PKD1L1: variants seen among roughly 807,000 people sequenced by gnomAD.
The protein encoded by PKD1L1 is polycystin 1 like 1, transient receptor potential channel interacting.
PKD1L1 carries 236 observed loss-of-function variants against 323.4 expected under a neutral mutation model. The observed-to-expected ratio is 0.73, with a 90% CI of 0.66 to 0.81. The LOEUF (loss-of-function observed/expected upper bound fraction) is 0.81. PKD1L1 is among the 40% of genes least tolerant of loss of function. PKD1L1 has a pLI of 0.00. For missense variants in PKD1L1, 3,320 were observed against 3,508.0 expected, an observed-to-expected ratio of 0.95 and a Z score of 1.35; for synonymous variants, 1,344 against 1,335.0, an observed-to-expected ratio of 1.01 and a Z score of -0.15.
rs574028340 is a variant in PKD1L1, at chr7:47,827,289, T to C, written c.6854+61A>G. 4.4e-5 allele frequency: 61 copies of C among 1,371,016 alleles called. 1 individual carries two copies. The African/African-American group carries it at 6.2e-4, about 14-fold the overall frequency. 84.9% of individuals were successfully genotyped at this position (1,371,016 alleles called of 1,614,324 possible). ...CCCAGGAGGACCAGCGGCAGTGGGG[T>C]ACTCCCTCCGAGAAGGGAGCTGGAG... On this transcript the variant is annotated intron_variant, in intron 45 of 56. Transcript: ENST00000289672.
chr7:47,943,721 T>C (rs1239228297), intron 1 of PKD1L1, among the ~76,000 whole-genome samples: 1 of 152,222 alleles, frequency 6.6e-6, no homozygotes, highest in Non-Finnish European at 1.5e-5. Context: ...GAAGATTAAC[T>C]GAAATATAGT....
In PKD1L1 at chr7:47,866,362, G is replaced by A; in HGVS notation, c.4092+57C>T. ...TTGCTAGTGAGCCAGCCAGTCATGAGCCCTGCCACTTGATAAAGGTTTACA... is the reference window on the plus strand; with the variant it reads ...TTGCTAGTGAGCCAGCCAGTCATGAACCCTGCCACTTGATAAAGGTTTACA... On this transcript the variant is annotated intron_variant, in intron 25 of 56. Transcript: ENST00000289672. The A allele has an allele frequency of 1.2e-5, 19 of 1,555,564 alleles. 1 individual carries two copies. The highest frequency in any genetic ancestry group is 1.7e-5 in the Non-Finnish European group (19 of 1,145,864).
Position 47,808,339 on chromosome 7 carries a change from G to C in PKD1L1, c.7735C>G (p.Leu2579Val). 1 of 1,614,176 alleles carries C rather than the reference G, an allele frequency of 6.2e-7. No individual in the cohort carries two copies. The highest frequency in any genetic ancestry group is 8.5e-7 in the Non-Finnish European group (1 of 1,180,034). ...SLTYYAVSGH[L>V]VTLAGDVTNQ... ...GTGACATCTCCAGCAAGAGTAACAA[G>C]GTGGCCGGAAACTGCATAGTAGGTG... Residue 2579 changes from leucine (L) to valine (V), a missense_variant, in exon 52 of 57, where the codon CTT becomes GTT. By Grantham distance (32) the Leu-to-Val change is conservative (BLOSUM62 1). Coordinates refer to ENST00000289672, the MANE Select transcript of PKD1L1 (RefSeq NM_138295.5).
At chr7:47,799,492 A>C (rs1784614365) in intron 54 of PKD1L1, among the ~76,000 whole-genome samples, 1 of 152,168 alleles carries the variant, frequency 6.6e-6, no homozygotes, top group Admixed American at 6.5e-5. Context: ...TGTGTCAGGA[A>C]CTACTACCCT....
chr7:47,928,959 C>T (rs992365807), intron 7 of PKD1L1, among the ~76,000 whole-genome samples: 1 of 152,182 alleles, frequency 6.6e-6, no homozygotes, highest in Non-Finnish European at 1.5e-5. Context: ...CCACATCTAC[C>T]TCACAAGGCA....
chr7:47,822,082 T>C (rs1785153641), intron 45 of PKD1L1, among the ~76,000 whole-genome samples: 2 of 152,172 alleles, frequency 1.3e-5, no homozygotes, highest in Admixed American at 1.3e-4. Flanking sequence ...GTAAGTCTAT[T>C]CCTGTGTTCT....
At chr7:47,915,120 A>C (rs181633256) in intron 8 of PKD1L1, among the ~76,000 whole-genome samples, 1 of 152,376 alleles carries the variant, frequency 6.6e-6, no homozygotes, top group East Asian at 1.9e-4. Flanking sequence ...TTAGCATCTG[A>C]GAAAGAAAAG....
At chr7:47,895,475 C>T (rs1248315498) in intron 14 of PKD1L1, among the ~76,000 whole-genome samples, 3 of 151,712 alleles carry the variant, frequency 2.0e-5, no homozygotes, top group East Asian at 1.9e-4. Flanking sequence ...TAGTCTCTGG[C>T]TAAGAAATTG....
chr7:47,872,727 C>T (rs1442546870), intron 24 of PKD1L1, among the ~76,000 whole-genome samples: 1 of 152,170 alleles, frequency 6.6e-6, no homozygotes, highest in Non-Finnish European at 1.5e-5. Flanking sequence ...AACTCTCATA[C>T]CTCGTTAGTG....
chr7:47,828,159 G>A lies in PKD1L1; in HGVS notation c.6736-691C>T, dbSNP rs180842107. Among the ~76,000 whole-genome samples the A allele has an allele frequency of 1.3e-3, 202 of 152,268 alleles. 2 individuals carry two copies. Among genetic ancestry groups the A allele is most frequent in the African/African-American group, 4.1e-3 (172 of 41,558 alleles). ...TTGTGCTGTTCTGAGAAAGGAACAC[G>A]TGTGGCGGAGAGATCCGTGGGGAGG... On this transcript the variant is annotated intron_variant, in intron 44 of 56. Transcript: ENST00000289672.
upstream of PKD1L1, among the ~76,000 whole-genome samples, chr7:47,949,563 G>C (rs1788172278): frequency 6.6e-6 from 1 of 152,000 alleles, no homozygotes; most frequent in South Asian, 2.1e-4. Flanking sequence ...CAACTGGCGG[G>C]TCAGACTGAG....
At position 47,873,021 on chromosome 7, in the gene PKD1L1, G is replaced by A. The variant is rs181798243; in HGVS notation, c.3896+878C>T. 1.4e-3 allele frequency among the ~76,000 whole-genome samples: 206 copies of A among 152,230 alleles called. 3 individuals carry two copies. Among genetic ancestry groups the A allele is most frequent in the South Asian group, 4.2e-4 (2 of 4,814 alleles). On this transcript the variant is annotated intron_variant, in intron 24 of 56. Coordinates refer to ENST00000289672, the MANE Select transcript of PKD1L1 (RefSeq NM_138295.5). ...TACTAATATATTTTGCTACATAGAT[G>A]AAACTCAAAAACATTCACATGCTCA...
At position 47,873,926 on chromosome 7, in the gene PKD1L1, T is replaced by C. The variant is rs762080261; in HGVS notation, c.3869A>G (p.His1290Arg). The change falls in exon 24 of 57, where the codon CAT becomes CGT. Residue 1290 changes from histidine to arginine, a missense_variant. His to Arg is a conservative substitution (Grantham distance 29). Coordinates refer to ENST00000289672, the MANE Select transcript of PKD1L1 (RefSeq NM_138295.5). The part of the protein sequence containing the change: ...TVVVTVLPRY[H>R]GNDCLGEDLY... ...GTCCTCGCCCAGACAGTCATTTCCA[T>C]GGTAGCGGGGCAGCACAGTCACCAC... 2 of 1,613,876 alleles carry C rather than the reference T, an allele frequency of 1.2e-6. No homozygotes were observed. The highest frequency in any genetic ancestry group is 1.1e-5 in the South Asian group (1 of 91,052).
chr7:47,868,387 A>G (rs1179567700), intron 24 of PKD1L1, among the ~76,000 whole-genome samples: 1 of 152,096 alleles, frequency 6.6e-6, no homozygotes, highest in Non-Finnish European at 1.5e-5. Context: ...ACAAAACAAA[A>G]CAAAAAACAA....
intron 26 of PKD1L1, among the ~76,000 whole-genome samples, chr7:47,860,765 A>G (rs187359619): frequency 5.3e-5 from 8 of 151,920 alleles, no homozygotes; most frequent in African/African-American, 1.9e-4. Flanking sequence ...TTTATTTCCC[A>G]CTCTGAACTA....
At chr7:47,844,057 T>C (rs890455861) in intron 33 of PKD1L1, among the ~76,000 whole-genome samples, 1 of 152,170 alleles carries the variant, frequency 6.6e-6, no homozygotes, top group Non-Finnish European at 1.5e-5. Flanking sequence ...ATAGCCCCTG[T>C]AGAACTTCAG....
rs146212591 is a variant in PKD1L1 at position 47,803,027 on chromosome 7, C to T, written c.7962+183G>A. ...AAATCATGGTTATTGTTGTCATGACCATAACTTACTATGTAACTATTGATA... is the reference window on the plus strand; with the variant it reads ...AAATCATGGTTATTGTTGTCATGACTATAACTTACTATGTAACTATTGATA... On this transcript the variant is annotated intron_variant, in intron 53 of 56. Coordinates refer to ENST00000289672, the MANE Select transcript of PKD1L1 (RefSeq NM_138295.5). 3.5e-3 allele frequency among the ~76,000 whole-genome samples: 538 copies of T among 152,258 alleles called. 5 individuals are homozygous for T. Among genetic ancestry groups the T allele is most frequent in the Non-Finnish European group, 5.4e-3 (365 of 68,034 alleles).
At chr7:47,829,286 G>C in intron 44 of PKD1L1, 139 bp downstream of exon 44, 1 of 795,240 alleles carries the variant, frequency 1.3e-6, no homozygotes, top group East Asian at 2.7e-5. Context: ...GTGCAAAGAA[G>C]CATAAGAAAT....
intron 3 of PKD1L1, among the ~76,000 whole-genome samples, chr7:47,938,622 G>T (rs927746427): frequency 4.6e-5 from 7 of 152,220 alleles, no homozygotes; most frequent in African/African-American, 1.7e-4. Context: ...TGGGGCTGTA[G>T]AGAGCAGAGC....
Sources: gnomAD v4.1 joint callset for allele counts (sites outside exome capture counted in the v4.1 genomes callset) on GRCh38, gnomAD v4.1.1 for gene constraint, MANE v1.5 for transcripts, NCBI Gene and HGNC (gene_info 2026-07-23, HGNC 2026-07-21) for gene names.